Variants in AGAP1 observed in about 807,000 individuals in gnomAD.
The protein encoded by AGAP1 is ArfGAP with GTPase domain, ankyrin repeat and PH domain 1.
AGAP1 carries 29 observed loss-of-function variants against 105.3 expected under a neutral mutation model. That is an observed-to-expected ratio of 0.28 (90% CI 0.21 to 0.38). The LOEUF is 0.38. Ranked by LOEUF, AGAP1 falls within the 10% of genes least tolerant of loss-of-function variation. The pLI is 1.00. For synonymous variants in AGAP1, 509 were observed against 485.9 expected (o/e 1.05, Z -0.63); for missense variants, 998 against 1,165.1 (o/e 0.86, Z 2.09).
chr2:235,878,962 A>T (rs368458486), intron 9 of AGAP1, among the ~76,000 whole-genome samples: 1 of 152,210 alleles, frequency 6.6e-6, no homozygotes, highest in Non-Finnish European at 1.5e-5. Context: ...GTTCAAGACC[A>T]AAAGTGTTGG....
At chr2:236,033,964 A>G (rs919777761) in intron 13 of AGAP1, among the ~76,000 whole-genome samples, 1 of 152,208 alleles carries the variant, frequency 6.6e-6, no homozygotes, top group Non-Finnish European at 1.5e-5. Flanking sequence ...CAGATTAAAC[A>G]AAGTGTGAGC....
Position 236,071,568 on chromosome 2 carries a change from T to TC in AGAP1, c.2114+22288dup, listed in dbSNP as rs559199833. ...TGTGTGCTGTGTGTGCAGAGGGGACTCACGGTAAACAGTTCAGCCAGTGTT... is the reference window on the plus strand; with the variant it reads ...TGTGTGCTGTGTGTGCAGAGGGGACTCCACGGTAAACAGTTCAGCCAGTGTT... On this transcript the variant is annotated intron_variant, in intron 16 of 17. Coordinates refer to ENST00000304032, the MANE Select transcript of AGAP1 (RefSeq NM_001037131.3). Among the ~76,000 whole-genome samples, 297 of 152,354 alleles carry TC rather than the reference T, an allele frequency of 1.9e-3. 1 individual carries two copies. Among genetic ancestry groups the TC allele is most frequent in the African/African-American group, 6.9e-3 (285 of 41,588 alleles).
chr2:235,767,823 C>T (rs1955098544), intron 6 of AGAP1, among the ~76,000 whole-genome samples: 1 of 125,780 alleles, frequency 8.0e-6, no homozygotes, highest in South Asian at 2.5e-4. Context: ...CTCGCTCTGT[C>T]GCCCGGGCTG....
intron 1 of AGAP1, among the ~76,000 whole-genome samples, chr2:235,654,265 T>C (rs184375964): frequency 3.9e-5 from 6 of 152,330 alleles, no homozygotes; most frequent in Non-Finnish European, 7.3e-5. Flanking sequence ...GTTTGTGTTT[T>C]ATCGCCTGGC....
chr2:235,707,287 G>A (rs1950580538), intron 1 of AGAP1, among the ~76,000 whole-genome samples: 1 of 152,130 alleles, frequency 6.6e-6, no homozygotes, highest in African/African-American at 2.4e-5. Flanking sequence ...GGACAGGCAT[G>A]TTGTGCCCCG....
Position 236,009,798 on chromosome 2 carries a change from G to A in AGAP1, c.1646-26763G>A, listed in dbSNP as rs1576046769. On this transcript the variant is annotated intron_variant, in intron 13 of 17. Coordinates refer to ENST00000304032, the MANE Select transcript of AGAP1 (RefSeq NM_001037131.3). The surrounding 1 kb of genome is among the most constrained non-coding windows in gnomAD (Gnocchi z 4.2). ...GGATGTAATTCATGCACACTTGGAC[G>A]TCCAACATGGCTGACGCGCCTTGGA... Among the ~76,000 whole-genome samples, 1 of 152,146 alleles carries A rather than the reference G, an allele frequency of 6.6e-6. No homozygotes were observed. Among genetic ancestry groups the A allele is most frequent in the Non-Finnish European group, 1.5e-5 (1 of 68,040 alleles).
intron 16 of AGAP1, among the ~76,000 whole-genome samples, chr2:236,088,780 C>G (rs939993895): frequency 3.3e-5 from 5 of 152,180 alleles, no homozygotes; most frequent in Admixed American, 3.3e-4. Flanking sequence ...AGCCCTGTCC[C>G]CATTGTCACG....
chr2:235,973,223 T>C lies in AGAP1; in HGVS notation c.1645+4600T>C, dbSNP rs1395293169. ...GCTCTTTTTGCTGAAGAACAGCCAC[T>C]TTGTTCTGCACCAGATGGCAGAGGG... On this transcript the variant is annotated intron_variant, in intron 13 of 17. Transcript: ENST00000304032. The surrounding 1 kb of genome is among the most constrained non-coding windows in gnomAD (Gnocchi z 4.7). Among the ~76,000 whole-genome samples the C allele has an allele frequency of 1.3e-5, 2 of 152,010 alleles. No homozygotes were observed. Among genetic ancestry groups the C allele is most frequent in the Admixed American group, 1.3e-4 (2 of 15,262 alleles).
chr2:235,830,980 T>C lies in AGAP1; in HGVS notation c.1050+23649T>C, dbSNP rs375058809. On this transcript the variant is annotated intron_variant, in intron 9 of 17. Coordinates refer to ENST00000304032, the MANE Select transcript of AGAP1 (RefSeq NM_001037131.3). The surrounding 1 kb of genome is among the most constrained non-coding windows in gnomAD (Gnocchi z 5.5). ...CGCCTCCTCACCTGTGTGTCGCAGG[T>C]GTAGGCGATACCTGGGAAGCCGTTG... Among the ~76,000 whole-genome samples, 41 of 152,136 alleles carry C rather than the reference T, an allele frequency of 2.7e-4. No individual in the cohort carries two copies. The East Asian group carries it at 4.5e-3, about 17-fold the overall frequency.
intron 11 of AGAP1, among the ~76,000 whole-genome samples, chr2:235,913,508 A>G (rs896172824): frequency 2.0e-5 from 3 of 152,066 alleles, no homozygotes; most frequent in Admixed American, 1.3e-4. Context: ...CACTTCATCA[A>G]ATGGGCTGTG....
At chr2:236,070,882 C>T (rs1400632770) in intron 16 of AGAP1, among the ~76,000 whole-genome samples, 2 of 152,130 alleles carry the variant, frequency 1.3e-5, no homozygotes, top group East Asian at 1.9e-4. Flanking sequence ...GGTTCCATGA[C>T]TCTGAAAAAT....
At chr2:235,932,318 T>A (rs966965568) in intron 12 of AGAP1, among the ~76,000 whole-genome samples, 20 of 152,324 alleles carry the variant, frequency 1.3e-4, no homozygotes, top group African/African-American at 4.6e-4. Context: ...TACGTAGAAG[T>A]TAGGCATGTG....
rs1470202252 is a variant in AGAP1 at position 235,712,207 on chromosome 2, A to G, written c.222+2970A>G. Among the ~76,000 whole-genome samples, 1 of 152,042 alleles carries G rather than the reference A, an allele frequency of 6.6e-6. No individual in the cohort carries two copies. The highest frequency in any genetic ancestry group is 1.5e-5 in the Non-Finnish European group (1 of 68,000). On this transcript the variant is annotated intron_variant, in intron 2 of 17. Coordinates refer to ENST00000304032, the MANE Select transcript of AGAP1 (RefSeq NM_001037131.3). The surrounding 1 kb of genome is among the most constrained non-coding windows in gnomAD (Gnocchi z 6.0). ...CTGGCTAATTTTTTATTTTTAGTAGACAAGATTTTACCATGTTGGCCAGGC... is the reference window on the plus strand; with the variant it reads ...CTGGCTAATTTTTTATTTTTAGTAGGCAAGATTTTACCATGTTGGCCAGGC...
rs2057660921 is a variant in AGAP1, at chr2:236,044,658, C to T, written c.1891+3817C>T. Among the ~76,000 whole-genome samples, 1 of 152,134 alleles carries T rather than the reference C, an allele frequency of 6.6e-6. No individual in the cohort carries two copies. Among genetic ancestry groups the T allele is most frequent in the Non-Finnish European group, 1.5e-5 (1 of 68,018 alleles). ...ACCACAACCTACAGTAGGAGCACATCCAGGCTCTCATCTTTAGCTTGGCCC... is the reference window on the plus strand; with the variant it reads ...ACCACAACCTACAGTAGGAGCACATTCAGGCTCTCATCTTTAGCTTGGCCC... On this transcript the variant is annotated intron_variant, in intron 15 of 17. Coordinates refer to ENST00000304032, the MANE Select transcript of AGAP1 (RefSeq NM_001037131.3). This position sits in a 1 kb window ranked among gnomAD's most constrained non-coding sequence, Gnocchi z 5.7.
In AGAP1 at chr2:236,044,390, T is replaced by C. The variant is rs540724410; in HGVS notation, c.1891+3549T>C. Among the ~76,000 whole-genome samples, 13 of 152,266 alleles carry C rather than the reference T, an allele frequency of 8.5e-5. No individual in the cohort carries two copies. The highest frequency in any genetic ancestry group is 2.9e-4 in the African/African-American group (12 of 41,560). On this transcript the variant is annotated intron_variant, in intron 15 of 17. Coordinates refer to ENST00000304032, the MANE Select transcript of AGAP1 (RefSeq NM_001037131.3). This position sits in a 1 kb window ranked among gnomAD's most constrained non-coding sequence, Gnocchi z 5.7. Reference sequence around the variant, plus strand: ...CTCTCACCAGCAGGTCTGACCTTCATGGACAGGCCCTGAGAGGCAGCTCAC... The same window carrying C: ...CTCTCACCAGCAGGTCTGACCTTCACGGACAGGCCCTGAGAGGCAGCTCAC...
chr2:235,644,866 T>C (rs1947321078), intron 1 of AGAP1, among the ~76,000 whole-genome samples: 1 of 152,052 alleles, frequency 6.6e-6, no homozygotes, highest in Non-Finnish European at 1.5e-5. Flanking sequence ...CATTTAAGTA[T>C]AGTGGAGCAA....
chr2:236,078,207 T>C lies in AGAP1; in HGVS notation c.2114+28926T>C, dbSNP rs2058694973. Among the ~76,000 whole-genome samples, 1 of 151,930 alleles carries C rather than the reference T, an allele frequency of 6.6e-6. No homozygotes were observed. The highest frequency in any genetic ancestry group is 6.6e-5 in the Admixed American group (1 of 15,246). On this transcript the variant is annotated intron_variant, in intron 16 of 17. Coordinates refer to ENST00000304032, the MANE Select transcript of AGAP1 (RefSeq NM_001037131.3). The surrounding 1 kb of genome is among the most constrained non-coding windows in gnomAD (Gnocchi z 5.3). ...ATGTGTGTGTGTCACATCTGAAGTGTGTAGTGCAGGCCGGCGTTCTGGAAA... is the reference window on the plus strand; with the variant it reads ...ATGTGTGTGTGTCACATCTGAAGTGCGTAGTGCAGGCCGGCGTTCTGGAAA...
At chr2:235,613,889 G>A (rs1187426930) in intron 1 of AGAP1, among the ~76,000 whole-genome samples, 3 of 152,232 alleles carry the variant, frequency 2.0e-5, no homozygotes, top group Admixed American at 1.3e-4. Flanking sequence ...GGCCCGCAGG[G>A]TGGCCTTGTC....
chr2:235,686,209 T>C (rs1384476191), intron 1 of AGAP1, among the ~76,000 whole-genome samples: 1 of 152,038 alleles, frequency 6.6e-6, no homozygotes, highest in Non-Finnish European at 1.5e-5. Context: ...TAGCTGACCA[T>C]AGACTAAGCC....
Sources: gnomAD v4.1 joint callset for allele counts (sites outside exome capture counted in the v4.1 genomes callset) on GRCh38, gnomAD v4.1.1 for gene constraint, Gnocchi (gnomAD v3.1) non-coding constraint, MANE v1.5 for transcripts, NCBI Gene and HGNC (gene_info 2026-07-23, HGNC 2026-07-21) for gene names.